Variants in ATP8B4 observed in about 807,000 individuals in gnomAD.
ATP8B4 encodes ATPase phospholipid transporting 8B4 (putative).
In ATP8B4, 133 loss-of-function variants were observed where a neutral mutation model predicts 145.6. That is an observed-to-expected ratio of 0.91 (90% CI 0.79 to 1.05). ATP8B4 has a LOEUF of 1.05. Among genes scored for constraint, ATP8B4 ranks in the 50% least tolerant of loss-of-function variants. The probability of loss-of-function intolerance (pLI) is 0.00; values close to 1 mark genes in which losing one functional copy is unlikely to be tolerated. For missense variants in ATP8B4, 1,458 were observed against 1,425.2 expected (o/e 1.02, Z -0.37); for synonymous variants, 507 against 492.9 (o/e 1.03, Z -0.38).
chr15:49,860,233 G>C lies in ATP8B4; in HGVS notation c.3540C>G (p.Thr1180=). Residue 1180 remains threonine (T), a synonymous_variant, in exon 28 of 28, where the codon ACC becomes ACG. Coordinates refer to ENST00000284509, the MANE Select transcript of ATP8B4 (RefSeq NM_024837.4). ...TTTTATCCTGGCTAAAGCTGCTCAC[G>C]GTGTCTGTGGTTTTCTTACATAAAT... ...IENLCKKTTD[T]VSSFSQDKTV... 1 of 1,614,020 alleles carries C rather than the reference G, an allele frequency of 6.2e-7. No individual in the cohort carries two copies. The highest frequency in any genetic ancestry group is 8.5e-7 in the Non-Finnish European group (1 of 1,179,944).
chr15:50,106,852 T>C lies in ATP8B4; in HGVS notation c.28+87A>G, dbSNP rs147854516. On this transcript the variant is annotated intron_variant, in intron 2 of 27. Coordinates refer to ENST00000284509, the MANE Select transcript of ATP8B4 (RefSeq NM_024837.4). ...GCTGAACACCTAGACCTGTGTGCTT[T>C]TTATATATAAATTAAACTTCCATGA... 9.1e-5 allele frequency: 123 copies of C among 1,357,290 alleles called. No homozygotes were observed. The African/African-American group carries it at 1.5e-3, about 16-fold the overall frequency. The allele number at this position is 1,357,290 out of a possible 1,614,324, so 84.1% of individuals were successfully genotyped here.
chr15:49,967,112 A>G (rs2044625342), intron 13 of ATP8B4, among the ~76,000 whole-genome samples: 1 of 152,196 alleles, frequency 6.6e-6, no homozygotes, highest in Non-Finnish European at 1.5e-5. Context: ...ACGCCATCTG[A>G]AGGTCACCCA....
chr15:50,157,139 T>C (rs2044431611), intron 1 of ATP8B4, among the ~76,000 whole-genome samples: 2 of 152,030 alleles, frequency 1.3e-5, no homozygotes, highest in African/African-American at 4.8e-5. Context: ...ACAGATAGAA[T>C]ATAAGTTCTG....
intron 3 of ATP8B4, among the ~76,000 whole-genome samples, chr15:50,069,340 CT>C (rs765876995): frequency 6.6e-6 from 1 of 152,078 alleles, no homozygotes; most frequent in Non-Finnish European, 1.5e-5. Flanking sequence ...ATTTTTAAAC[CT>C]GTGCGATGTC....
intron 3 of ATP8B4, among the ~76,000 whole-genome samples, chr15:50,060,824 A>G (rs778822691): frequency 1.3e-5 from 2 of 152,222 alleles, no homozygotes; most frequent in African/African-American, 2.4e-5. Context: ...AACAAGCTCC[A>G]GGTGAGGCCA....
At chr15:49,922,986 G>A (rs925121856) in intron 17 of ATP8B4, among the ~76,000 whole-genome samples, 3 of 152,162 alleles carry the variant, frequency 2.0e-5, no homozygotes, top group Non-Finnish European at 4.4e-5. Flanking sequence ...GTAATCATAA[G>A]ATATTCCACT....
In ATP8B4 at chr15:49,897,498, C is replaced by T; in HGVS notation, c.2491G>A (p.Gly831Ser). 6.4e-7 allele frequency: 1 copy of T among 1,565,058 alleles called. No individual in the cohort carries two copies. The change falls in exon 23 of 28, where the codon GGC becomes AGC. Residue 831 changes from glycine to serine, a missense_variant. Transcript: ENST00000284509. ...TGCAATCCTTCCTGGCCGCTGATGCCAACACCAATGTGAGCACCTACAAAG... is the reference window on the plus strand; with the variant it reads ...TGCAATCCTTCCTGGCCGCTGATGCTAACACCAATGTGAGCACCTACAAAG... ...SMIKSAHIGV[G>S]ISGQEGLQAV...
At chr15:50,059,645 G>A (rs1193766881) in intron 3 of ATP8B4, among the ~76,000 whole-genome samples, 1 of 152,112 alleles carries the variant, frequency 6.6e-6, no homozygotes, top group East Asian at 1.9e-4. Flanking sequence ...CCTCATCCAT[G>A]TTCCTTTTCC....
intron 14 of ATP8B4, among the ~76,000 whole-genome samples, chr15:49,953,959 C>T (rs997050482): frequency 3.9e-5 from 6 of 152,146 alleles, no homozygotes; most frequent in African/African-American, 1.4e-4. Flanking sequence ...TCAGGTAGGC[C>T]GCCCACCACA....
chr15:49,998,516 T>C (rs2047613400), intron 8 of ATP8B4, among the ~76,000 whole-genome samples: 2 of 152,216 alleles, frequency 1.3e-5, no homozygotes, highest in Admixed American at 1.3e-4. Flanking sequence ...TTTCACGTGT[T>C]TTTTGGCTGC....
At chr15:50,106,899 A>T in intron 2 of ATP8B4, 40 bp downstream of exon 2, 1 of 1,561,654 alleles carries the variant, frequency 6.4e-7, no homozygotes, top group Non-Finnish European at 8.7e-7. Context: ...TTATATTTTT[A>T]AAATATCACT....
At chr15:50,032,386 A>C (rs1405694407) in intron 6 of ATP8B4, among the ~76,000 whole-genome samples, 1 of 152,232 alleles carries the variant, frequency 6.6e-6, no homozygotes, top group East Asian at 1.9e-4. Context: ...ATGGCTGCAT[A>C]GTATTCCATG....
At chr15:50,105,586 T>A (rs1308229936) in intron 2 of ATP8B4, among the ~76,000 whole-genome samples, 1 of 152,126 alleles carries the variant, frequency 6.6e-6, no homozygotes, top group Non-Finnish European at 1.5e-5. Context: ...GGGATATATA[T>A]TTGGATCGAT....
intron 1 of ATP8B4, among the ~76,000 whole-genome samples, chr15:50,172,977 CCCCCGCCCGGCCAGCCG>C (rs1291961498): frequency 1.3e-5 from 2 of 150,154 alleles, no homozygotes; most frequent in Non-Finnish European, 3.0e-5. Flanking sequence ...TGGGGGGCAG[CCCCCGCCCGGCCAGCCG>C]CCCCGTCCGG....
At chr15:50,054,192 T>C (rs2052403728) in intron 3 of ATP8B4, among the ~76,000 whole-genome samples, 1 of 152,222 alleles carries the variant, frequency 6.6e-6, no homozygotes, top group South Asian at 2.1e-4. Flanking sequence ...AGAGTTTGTT[T>C]CTTGTTCATG....
intron 2 of ATP8B4, among the ~76,000 whole-genome samples, chr15:50,093,063 C>G (rs1305358075): frequency 1.3e-5 from 2 of 151,742 alleles, no homozygotes; most frequent in Non-Finnish European, 2.9e-5. Flanking sequence ...CTTTAAAGTG[C>G]CAGAAGAAAA....
intron 1 of ATP8B4, among the ~76,000 whole-genome samples, chr15:50,145,247 T>G (rs1026396258): frequency 1.4e-4 from 21 of 152,202 alleles, no homozygotes; most frequent in African/African-American, 4.6e-4. Context: ...ACACTGGGCA[T>G]AAAAATACAT....
intron 1 of ATP8B4, among the ~76,000 whole-genome samples, chr15:50,134,084 T>C (rs1041345925): frequency 1.3e-5 from 2 of 152,152 alleles, no homozygotes; most frequent in Non-Finnish European, 2.9e-5. Context: ...ATCATCACAT[T>C]GTATACCTTA....
chr15:49,897,944 T>C, intron 22 of ATP8B4, 124 bp downstream of exon 22: 2 of 1,061,320 alleles, frequency 1.9e-6, no homozygotes, highest in Non-Finnish European at 2.7e-6. Context: ...CCCAGAAGTA[T>C]CATTCATTTT....
Sources: gnomAD v4.1 joint callset for allele counts (sites outside exome capture counted in the v4.1 genomes callset) on GRCh38, gnomAD v4.1.1 for gene constraint, MANE v1.5 for transcripts, NCBI Gene and HGNC (gene_info 2026-07-23, HGNC 2026-07-21) for gene names.